CDHR2: variants seen among roughly 807,000 people sequenced by gnomAD.
The protein encoded by CDHR2 is cadherin-related family member 2.
Under a neutral mutation model 138.6 loss-of-function variants are expected in CDHR2, and 104 were observed. That is an observed-to-expected ratio of 0.75 (90% CI 0.64 to 0.88). CDHR2 has a LOEUF of 0.88. Ranked by LOEUF, CDHR2 falls within the 40% of genes least tolerant of loss-of-function variation. CDHR2 has a pLI of 0.00. For synonymous variants in CDHR2, 755 were observed against 742.8 expected, an observed-to-expected ratio of 1.02 and a Z score of -0.27; for missense variants, 1,624 against 1,727.6, an observed-to-expected ratio of 0.94 and a Z score of 1.06.
Position 176,568,662 on chromosome 5 carries a change from C to T in CDHR2, c.125-16C>T. On this transcript the variant is annotated splice_polypyrimidine_tract_variant and intron_variant, in intron 3 of 31. Transcript: ENST00000261944. ...GGGTGGCTGTGGACCCTGGGTGGCCCCTGTCCCATCCCCAGGTGCCCAGGC... is the reference window on the plus strand; with the variant it reads ...GGGTGGCTGTGGACCCTGGGTGGCCTCTGTCCCATCCCCAGGTGCCCAGGC... The T allele has an allele frequency of 6.2e-7, 1 of 1,613,386 alleles. No individual in the cohort carries two copies. The highest frequency in any genetic ancestry group is 8.5e-7 in the Non-Finnish European group (1 of 1,179,542).
In CDHR2 at chr5:176,571,344, C is replaced by CA. The variant is rs751727706; in HGVS notation, c.405+45dup. ...TGTGGTTGTGGGGCAGGGGGCATCC[C>CA]AAAGTGCTTCTCAGAGTAGGAAGAG... On this transcript the variant is annotated intron_variant, in intron 6 of 31. Transcript: ENST00000261944. 2.4e-5 allele frequency: 34 copies of CA among 1,426,096 alleles called. No homozygotes were observed. In the South Asian group the frequency reaches 4.2e-4, roughly 18 times the overall value. The allele number at this position is 1,426,096 out of a possible 1,614,324, so 88.3% of individuals were successfully genotyped here.
chr5:176,581,783 G>C (rs952974364), intron 17 of CDHR2, among the ~76,000 whole-genome samples: 3 of 152,218 alleles, frequency 2.0e-5, no homozygotes, highest in Non-Finnish European at 4.4e-5. Flanking sequence ...AAAGGTTAAA[G>C]ATTAAGTGAG....
In CDHR2 at chr5:176,595,566, A is replaced by G; in HGVS notation, c.3827A>G (p.Asp1276Gly). The G allele has an allele frequency of 6.2e-7, 1 of 1,611,980 alleles. No individual in the cohort carries two copies. ...HRPPHTPPEPDPEPLSVVLLG... is the reference protein window; with the variant it reads ...HRPPHTPPEPGPEPLSVVLLG... ...CCACCACACACACCACCAGAGCCAG[A>G]TCCAGAGCCCCTGAGCGTGGTCCTG... Residue 1276 changes from aspartate to glycine, a missense_variant, in exon 32 of 32, where the codon GAT (aspartate) becomes GGT (glycine). Physicochemically the swap from Asp to Gly is moderately conservative, Grantham distance 94. Around this residue, in one of 3 missense-constraint regions of CDHR2, gnomAD observed 556 missense variants for 565.7 expected, o/e 0.98. Coordinates refer to ENST00000261944, the MANE Select transcript of CDHR2 (RefSeq NM_017675.6).
At position 176,590,031 on chromosome 5, in the gene CDHR2, GC is replaced by G. The variant is rs749028987; in HGVS notation, c.3207-44del. 2.6e-6 allele frequency: 4 copies of G among 1,515,648 alleles called. No homozygotes were observed. The South Asian group carries it at 4.5e-5, about 17-fold the overall frequency. The allele number at this position is 1,515,648 out of a possible 1,614,324, so 93.9% of individuals were successfully genotyped here. ...CCCACTGGCACAGCCCTGGCCACAG[GC>G]CCAGGCTAAGACCCCAGGCCTCTGT... On this transcript the variant is annotated intron_variant, in intron 24 of 31. Transcript: ENST00000261944.
rs1306675472 is a variant in CDHR2, at chr5:176,590,587, G to A, written c.3439G>A (p.Asp1147Asn). The A allele has an allele frequency of 6.2e-7, 1 of 1,614,072 alleles. No individual in the cohort carries two copies. Among genetic ancestry groups the A allele is most frequent in the Non-Finnish European group, 8.5e-7 (1 of 1,180,026 alleles). ...VLGSQESQES[D>N]LSKQLISVII... ...GGGCTCCCAGGAGAGCCAGGAGTCAGACCTGTCGAAACAGCTCATCAGTGT... is the reference window on the plus strand; with the variant it reads ...GGGCTCCCAGGAGAGCCAGGAGTCAAACCTGTCGAAACAGCTCATCAGTGT... Residue 1147 changes from aspartate (D) to asparagine (N), a missense_variant, in exon 28 of 32, where the codon GAC becomes AAC. Transcript: ENST00000261944.
intron 1 of CDHR2, among the ~76,000 whole-genome samples, chr5:176,565,072 C>G (rs912830939): frequency 7.2e-5 from 11 of 152,152 alleles, no homozygotes; most frequent in Non-Finnish European, 1.3e-4. Flanking sequence ...CACAGCTGCA[C>G]ATCTAGTGCC....
At position 176,565,643 on chromosome 5, in the gene CDHR2, C is replaced by T. The variant is rs1208164342; in HGVS notation, c.53-29C>T. 1.2e-5 allele frequency: 20 copies of T among 1,602,522 alleles called. No homozygotes were observed. The East Asian group carries it at 1.8e-4, about 14-fold the overall frequency. On this transcript the variant is annotated intron_variant, in intron 2 of 31. Transcript: ENST00000261944. ...GGGATCGGGTTTTGCAGGGGTGTCC[C>T]GATGTTCCAGCACACTGTGTCCCTA... is the stretch of plus-strand genomic sequence containing the variant.
chr5:176,578,286 T>C, intron 15 of CDHR2, 79 bp from the exon 16 acceptor site: 6 of 1,395,960 alleles, frequency 4.3e-6, no homozygotes, highest in Non-Finnish European at 6.0e-6. Flanking sequence ...TGCTGAAATA[T>C]TTGTTGTTGT....
At chr5:176,562,670 G>A (rs1757991705) in intron 1 of CDHR2, among the ~76,000 whole-genome samples, 1 of 152,164 alleles carries the variant, frequency 6.6e-6, no homozygotes, top group Admixed American at 6.5e-5. Context: ...TAGAAAAAGA[G>A]AGGGGACCAT....
In CDHR2 at chr5:176,568,743, G is replaced by A. The variant is rs570719718; in HGVS notation, c.190G>A (p.Gly64Ser). The change falls in exon 4 of 32, where the codon GGC becomes AGC. Residue 64 changes from glycine to serine, a missense_variant. By Grantham distance (56) the Gly-to-Ser change is moderately conservative. This residue lies in a region of CDHR2 where 1,061 missense variants were observed against 1,136.6 expected (regional missense o/e 0.93). Transcript: ENST00000261944. ...DNDPLTYGMS[G>S]PNAYFFAVTP... ...TGACCCTCTGACCTATGGGATGAGC[G>A]GCCCCAATGCCTACTTCTTCGCTGT... 22 of 1,614,212 alleles carry A rather than the reference G, an allele frequency of 1.4e-5. No homozygotes were observed. The highest frequency in any genetic ancestry group is 2.7e-5 in the African/African-American group (2 of 75,076).
At chr5:176,569,364 A>G (rs1177557261) in intron 5 of CDHR2, among the ~76,000 whole-genome samples, 1 of 151,380 alleles carries the variant, frequency 6.6e-6, no homozygotes, top group East Asian at 2.0e-4. Context: ...GCTCACTGCA[A>G]GCTCCGCCTC....
intron 31 of CDHR2, among the ~76,000 whole-genome samples, chr5:176,594,083 CCT>C (rs1221066308): frequency 6.6e-6 from 1 of 152,116 alleles, no homozygotes; most frequent in African/African-American, 2.4e-5. Flanking sequence ...TTAAGGACCC[CCT>C]GAGGTGTGGC....
intron 1 of CDHR2, among the ~76,000 whole-genome samples, chr5:176,555,164 C>T (rs1389284143): frequency 2.6e-5 from 4 of 152,198 alleles, no homozygotes; most frequent in Non-Finnish European, 5.9e-5. Context: ...TAATCACTCA[C>T]GGTCAACAAC....
chr5:176,586,141 C>G, intron 20 of CDHR2, 116 bp downstream of exon 20: 1 of 744,508 alleles, frequency 1.3e-6, no homozygotes, highest in Admixed American at 2.2e-5. Flanking sequence ...GGGAAGGCCT[C>G]TAATCCTGCA....
At chr5:176,578,638 G>A (rs775073310) in intron 16 of CDHR2, 30 bp downstream of exon 16, 2 of 1,603,022 alleles carry the variant, frequency 1.2e-6, no homozygotes, top group South Asian at 2.2e-5. Context: ...TGGTGGGTAA[G>A]GCTGGGGGAG....
In CDHR2 at chr5:176,591,304, A is replaced by C; in HGVS notation, c.3634A>C (p.Asn1212His). The C allele has an allele frequency of 6.2e-7, 1 of 1,613,786 alleles. No homozygotes were observed. The highest frequency in any genetic ancestry group is 8.5e-7 in the Non-Finnish European group (1 of 1,179,720). Residue 1212 changes from asparagine (N) to histidine (H), a missense_variant, in exon 29 of 32, where the codon AAC (asparagine) becomes CAC (histidine). Asn to His is a moderately conservative substitution (Grantham distance 68). This residue lies in a region of CDHR2 where 556 missense variants were observed against 565.7 expected (regional missense o/e 0.98). Transcript: ENST00000261944. ...CTCAGCCCCTGCCATCCCAGGGACT[A>C]ACATGTACAACACTGAGCGGTGAGC... ...MPSAPAIPGT[N>H]MYNTERANPM...
Position 176,592,764 on chromosome 5 carries a change from A to G in CDHR2, c.3776A>G (p.Asn1259Ser). ...LDDNSVDVDKNSQEIKEHRPP... is the reference protein window; with the variant it reads ...LDDNSVDVDKSSQEIKEHRPP... ...GACAACTCTGTGGATGTGGACAAGAACAGTCAGGAAATCAAGGCAAGATGG... is the reference window on the plus strand; with the variant it reads ...GACAACTCTGTGGATGTGGACAAGAGCAGTCAGGAAATCAAGGCAAGATGG... The change falls in exon 31 of 32, where the codon AAC becomes AGC. Residue 1259 changes from asparagine to serine, a missense_variant. Asn to Ser is a conservative substitution (Grantham distance 46). Transcript: ENST00000261944. 1.2e-6 allele frequency: 2 copies of G among 1,613,852 alleles called. No individual in the cohort carries two copies. Among genetic ancestry groups the G allele is most frequent in the Non-Finnish European group, 1.7e-6 (2 of 1,179,842 alleles).
chr5:176,585,949 C>T lies in CDHR2; in HGVS notation c.2735-5C>T. ...GAGCCAAAGCCAGCTGACCTTGTCT[C>T]CTAGGAAGCCTCCTCATTACCATTG... On this transcript the variant is annotated splice_polypyrimidine_tract_variant and splice_region_variant and intron_variant, in intron 19 of 31. Coordinates refer to ENST00000261944, the MANE Select transcript of CDHR2 (RefSeq NM_017675.6). The T allele has an allele frequency of 6.2e-7, 1 of 1,612,508 alleles. No homozygotes were observed. Among genetic ancestry groups the T allele is most frequent in the Non-Finnish European group, 8.5e-7 (1 of 1,178,694 alleles).
In CDHR2 at chr5:176,584,765, G is replaced by T. The variant is rs765840433; in HGVS notation, c.2484G>T (p.Val828=). 30 of 1,614,112 alleles carry T rather than the reference G, an allele frequency of 1.9e-5. No individual in the cohort carries two copies. The highest frequency in any genetic ancestry group is 3.3e-5 in the South Asian group (3 of 91,090). ...VAENGSQHGQ[V]AVVVASDVDT... ...AGAATGGCTCACAGCACGGCCAGGT[G>T]GCTGTGGTGGTTGCCTCGGATGTGG... Residue 828 remains valine, a synonymous_variant, in exon 19 of 32, where the codon GTG becomes GTT. Coordinates refer to ENST00000261944, the MANE Select transcript of CDHR2 (RefSeq NM_017675.6).
Sources: allele counts gnomAD v4.1 joint callset (sites outside exome capture counted in the v4.1 genomes callset), GRCh38; gene constraint gnomAD v4.1.1; regional missense constraint gnomAD v4.1.1; transcripts MANE v1.5; gene names NCBI Gene and HGNC (gene_info 2026-07-23, HGNC 2026-07-21).